The following CBLN2 variants were observed in gnomAD, a reference collection of about 807,000 sequenced individuals.
The protein encoded by CBLN2 is cerebellin-2.
Under a neutral mutation model 15.0 loss-of-function variants are expected in CBLN2, and 7 were observed. The observed-to-expected ratio is 0.47, with a 90% confidence interval of 0.27 to 0.88. The LOEUF (loss-of-function observed/expected upper bound fraction) is 0.88. Among genes scored for constraint, CBLN2 ranks in the 40% least tolerant of loss-of-function variants. The probability of loss-of-function intolerance (pLI) is 0.14; values close to 1 mark genes in which losing one functional copy is unlikely to be tolerated. For missense variants in CBLN2, 242 were observed against 304.5 expected, an observed-to-expected ratio of 0.79 and a Z score of 1.53; for synonymous variants, 149 against 135.2, an observed-to-expected ratio of 1.10 and a Z score of -0.71.
Position 72,543,397 on chromosome 18 carries a change from C to T in CBLN2, c.-167+89G>A. The stretch of plus-strand genomic sequence containing the variant: ...CCCTTCTCTCTCTCCACCTCCTCCA[C>T]CCCTCGATCTGGACCAGGGAGAGTC... On this transcript the variant is annotated intron_variant, in intron 2 of 4. Transcript: ENST00000269503. The surrounding 1 kb of genome is among the most constrained non-coding windows in gnomAD (Gnocchi z 6.8). 2.5e-6 allele frequency: 1 copy of T among 397,780 alleles called. No homozygotes were observed. Among genetic ancestry groups the T allele is most frequent in the Admixed American group, 4.4e-5 (1 of 22,714 alleles). 24.6% of individuals were successfully genotyped at this position (397,780 alleles called of 1,614,324 possible). A position where few individuals can be genotyped will look rare whatever the true frequency, so the allele number is the denominator to read the frequency against.
intron 1 of CBLN2, among the ~76,000 whole-genome samples, chr18:72,602,195 A>T (rs1191258804): frequency 6.6e-6 from 1 of 152,140 alleles, no homozygotes; most frequent in Non-Finnish European, 1.5e-5. Context: ...TTCTTGTGGA[A>T]ACACTATTCA....
intron 1 of CBLN2, among the ~76,000 whole-genome samples, chr18:72,550,941 A>G (rs2069188170): frequency 6.6e-6 from 1 of 152,112 alleles, no homozygotes; most frequent in Non-Finnish European, 1.5e-5. Flanking sequence ...CGTTGTTTGC[A>G]GCTCTGCTAT....
chr18:72,589,710 T>C (rs530354525), intron 1 of CBLN2, among the ~76,000 whole-genome samples: 127 of 152,302 alleles, frequency 8.3e-4, no homozygotes, highest in African/African-American at 2.3e-3. Context: ...AGACAAGACA[T>C]AATCCAATTA....
At position 72,537,440 on chromosome 18, in the gene CBLN2, T is replaced by C. The variant is rs1391332486; in HGVS notation, c.*736A>G. On this transcript the variant is annotated 3_prime_UTR_variant, in exon 5 of 5. Transcript: ENST00000269503. ...GTTTTGTTTGGTCTTATCCAGGAATTCTATATTTTCTCTCCTCAACCCCAG... is the reference window on the plus strand; with the variant it reads ...GTTTTGTTTGGTCTTATCCAGGAATCCTATATTTTCTCTCCTCAACCCCAG... 1 of 152,492 alleles carries C rather than the reference T, an allele frequency of 6.6e-6. No individual in the cohort carries two copies. The highest frequency in any genetic ancestry group is 1.5e-5 in the Non-Finnish European group (1 of 68,032). The allele number at this position is 152,492 out of a possible 1,614,324, so 9.4% of individuals were successfully genotyped here.
At chr18:72,563,991 T>C (rs931648208) in intron 1 of CBLN2, among the ~76,000 whole-genome samples, 6 of 152,094 alleles carry the variant, frequency 3.9e-5, no homozygotes, top group African/African-American at 1.4e-4. Flanking sequence ...CCATGTCCAC[T>C]CGAAACCAAA....
At chr18:72,560,471 C>CT (rs5826204) in intron 1 of CBLN2, among the ~76,000 whole-genome samples, 115,275 of 152,058 alleles carry the variant, frequency 0.76, 47,690 homozygotes, top group Non-Finnish European at 0.91. Flanking sequence ...AATTAACTTG[C>CT]TTTTGGATCA....
intron 1 of CBLN2, among the ~76,000 whole-genome samples, chr18:72,563,526 G>A (rs151137085): frequency 0.017 from 2,617 of 152,064 alleles, 38 homozygotes; most frequent in Non-Finnish European, 0.028. Context: ...GAGCACTGGC[G>A]TACAGCAAGG....
chr18:72,590,891 A>G (rs2069475887), intron 1 of CBLN2, among the ~76,000 whole-genome samples: 1 of 152,260 alleles, frequency 6.6e-6, no homozygotes. Context: ...ATATTCTAAT[A>G]GATTACTGTG....
At chr18:72,633,904 A>T (rs2069794292) in intron 1 of CBLN2, among the ~76,000 whole-genome samples, 1 of 152,158 alleles carries the variant, frequency 6.6e-6, no homozygotes, top group Non-Finnish European at 1.5e-5. Flanking sequence ...TGATGAGAGT[A>T]AAATAAATAA....
intron 1 of CBLN2, among the ~76,000 whole-genome samples, chr18:72,594,406 T>C (rs2069499842): frequency 6.6e-6 from 1 of 152,154 alleles, no homozygotes; most frequent in Non-Finnish European, 1.5e-5. Flanking sequence ...TAAGTAGTTT[T>C]GCATCAATGT....
At chr18:72,594,022 CT>C (rs993827814) in intron 1 of CBLN2, among the ~76,000 whole-genome samples, 7 of 152,106 alleles carry the variant, frequency 4.6e-5, no homozygotes, top group Admixed American at 3.9e-4. Context: ...TCTCAGCAAA[CT>C]AACACAGGAA....
chr18:72,578,407 A>G (rs1421735385), intron 1 of CBLN2, among the ~76,000 whole-genome samples: 1 of 152,160 alleles, frequency 6.6e-6, no homozygotes, highest in Non-Finnish European at 1.5e-5. Context: ...AGACACCACC[A>G]CCGCAGAATA....
intron 1 of CBLN2, among the ~76,000 whole-genome samples, chr18:72,607,650 A>G (rs1393146738): frequency 6.6e-6 from 1 of 151,708 alleles, no homozygotes; most frequent in Non-Finnish European, 1.5e-5. Context: ...CGCTAGCCAA[A>G]ATAACATTTA....
Position 72,609,600 on chromosome 18 carries a change from C to T in CBLN2, c.15+28725G>A, listed in dbSNP as rs953196703. ...CAGTCTGAAAGCCATCCTGCATAAC[C>T]TCTACCTACAGCTATGAGAAGCTGT... On this transcript the variant is annotated intron_variant, in intron 1 of 2. Transcript: ENST00000581073. Among the ~76,000 whole-genome samples the T allele has an allele frequency of 3.3e-5, 5 of 152,106 alleles. No individual in the cohort carries two copies. The East Asian group carries it at 9.7e-4, about 29-fold the overall frequency.
At chr18:72,561,474 C>T (rs2069261036) in intron 1 of CBLN2, among the ~76,000 whole-genome samples, 1 of 152,178 alleles carries the variant, frequency 6.6e-6, no homozygotes, top group South Asian at 2.1e-4. Flanking sequence ...TCTTTCCTCT[C>T]TGTCTTCCCT....
chr18:72,586,024 G>T (rs1430140592), intron 1 of CBLN2, among the ~76,000 whole-genome samples: 1 of 152,198 alleles, frequency 6.6e-6, no homozygotes, highest in Admixed American at 6.5e-5. Flanking sequence ...AGGTTTCCCA[G>T]AGTGGAGGGA....
intron 1 of CBLN2, among the ~76,000 whole-genome samples, chr18:72,611,190 T>C (rs971245111): frequency 6.6e-6 from 1 of 152,256 alleles, no homozygotes; most frequent in Non-Finnish European, 1.5e-5. Flanking sequence ...TGACTAGTGC[T>C]GTGATGAACA....
chr18:72,618,561 T>C (rs1555673091), intron 1 of CBLN2: 1 of 756,156 alleles, frequency 1.3e-6, no homozygotes, highest in South Asian at 1.3e-5. Context: ...AAAGACCAGG[T>C]GTCCACTTAA....
intron 1 of CBLN2, among the ~76,000 whole-genome samples, chr18:72,558,860 C>T (rs908853352): frequency 2.0e-5 from 3 of 152,250 alleles, no homozygotes; most frequent in African/African-American, 7.2e-5. Flanking sequence ...TCAAGACCAA[C>T]CTGGCCAACA....
Sources: allele counts gnomAD v4.1 joint callset (sites outside exome capture counted in the v4.1 genomes callset), GRCh38; gene constraint gnomAD v4.1.1; non-coding constraint Gnocchi (gnomAD v3.1); transcripts MANE v1.5; gene names NCBI Gene and HGNC (gene_info 2026-07-23, HGNC 2026-07-21).